AKT3: variants seen among roughly 807,000 people sequenced by gnomAD.
The protein encoded by AKT3 is AKT serine/threonine kinase 3.
AKT3 carries 15 observed loss-of-function variants against 65.3 expected under a neutral mutation model. The observed-to-expected ratio is 0.23, with a 90% CI of 0.15 to 0.35. The LOEUF (loss-of-function observed/expected upper bound fraction) is 0.35. AKT3 is among the 10% of genes least tolerant of loss of function. The probability of loss-of-function intolerance (pLI) is 1.00; values close to 1 mark genes in which losing one functional copy is unlikely to be tolerated. For synonymous variants in AKT3, 206 were observed against 183.8 expected (o/e 1.12, Z -0.98); for missense variants, 243 against 576.5 (o/e 0.42, Z 5.92).
chr1:243,684,791 C>T (rs1684169915), intron 3 of AKT3, among the ~76,000 whole-genome samples: 1 of 152,170 alleles, frequency 6.6e-6, no homozygotes, highest in Non-Finnish European at 1.5e-5. Context: ...AAAAGCATTC[C>T]TATTTCTCCA....
chr1:243,599,971 T>C (rs538618540), intron 8 of AKT3, among the ~76,000 whole-genome samples: 31 of 152,182 alleles, frequency 2.0e-4, no homozygotes, highest in African/African-American at 6.5e-4. Flanking sequence ...GTATGGCTAA[T>C]AAGTAAACAT....
intron 12 of AKT3, among the ~76,000 whole-genome samples, chr1:243,524,839 G>A (rs1670944059): frequency 1.3e-5 from 2 of 152,138 alleles, no homozygotes; most frequent in Admixed American, 1.3e-4. Context: ...AAGGTTCTGG[G>A]AAGCAACTAA....
intron 2 of AKT3, among the ~76,000 whole-genome samples, chr1:243,833,717 C>A (rs10927082): frequency 0.83 from 126,172 of 151,622 alleles, 52,656 homozygotes; most frequent in Middle Eastern, 0.87. Context: ...GATAAAAAAA[C>A]CACAATTATC....
chr1:243,662,902 A>G (rs968324610), intron 4 of AKT3, among the ~76,000 whole-genome samples: 6 of 152,200 alleles, frequency 3.9e-5, no homozygotes, highest in Admixed American at 6.5e-5. Context: ...GAAGAGTAGT[A>G]TATTATTACA....
At chr1:243,578,475 C>G (rs1675105076) in intron 8 of AKT3, among the ~76,000 whole-genome samples, 1 of 152,058 alleles carries the variant, frequency 6.6e-6, no homozygotes, top group South Asian at 2.1e-4. Context: ...TAAGTGGGAG[C>G]TGAACAATGA....
At chr1:243,638,645 ATAAATT>A (rs1466673083) in intron 5 of AKT3, among the ~76,000 whole-genome samples, 1 of 152,198 alleles carries the variant, frequency 6.6e-6, no homozygotes, top group Non-Finnish European at 1.5e-5. Context: ...ATCAGTTTAC[ATAAATT>A]TAAACTCAGT....
At chr1:243,683,288 TC>T (rs1684050351) in intron 3 of AKT3, among the ~76,000 whole-genome samples, 1 of 152,192 alleles carries the variant, frequency 6.6e-6, no homozygotes, top group South Asian at 2.1e-4. Context: ...TTTCCTTATT[TC>T]CTTCTTTTTT....
downstream of AKT3, among the ~76,000 whole-genome samples, chr1:243,495,381 G>A (rs1482026456): frequency 3.3e-5 from 5 of 152,218 alleles, no homozygotes; most frequent in East Asian, 1.9e-4. Context: ...CTTTCTCGGA[G>A]CCCAGAAGCA....
chr1:243,661,067 C>G (rs1201193405), intron 4 of AKT3, among the ~76,000 whole-genome samples: 10 of 152,166 alleles, frequency 6.6e-5, no homozygotes, highest in Non-Finnish European at 1.3e-4. Flanking sequence ...AGGATACAAA[C>G]AAATGGAAGA....
chr1:243,672,002 C>T (rs374530938), intron 3 of AKT3, among the ~76,000 whole-genome samples: 1 of 151,750 alleles, frequency 6.6e-6, no homozygotes, highest in African/African-American at 2.4e-5. Context: ...ACACCTTCCC[C>T]GTGCTTGGCC....
intron 2 of AKT3, among the ~76,000 whole-genome samples, chr1:243,772,194 C>G (rs1690228413): frequency 6.6e-6 from 1 of 152,078 alleles, no homozygotes; most frequent in Admixed American, 6.5e-5. Flanking sequence ...CAAATGGGAT[C>G]TAATTAAACT....
At chr1:243,535,667 G>A (rs1461421453) in intron 12 of AKT3, among the ~76,000 whole-genome samples, 1 of 152,114 alleles carries the variant, frequency 6.6e-6, no homozygotes, top group Non-Finnish European at 1.5e-5. Context: ...TTGCAATTGT[G>A]AATTGTGCTG....
intron 2 of AKT3, among the ~76,000 whole-genome samples, chr1:243,724,506 A>T (rs1042658982): frequency 2.0e-5 from 3 of 152,164 alleles, no homozygotes; most frequent in African/African-American, 7.2e-5. Flanking sequence ...ACATTATAAG[A>T]CTTATGGTAT....
chr1:243,589,839 G>A (rs548616317), intron 8 of AKT3, among the ~76,000 whole-genome samples: 5 of 152,240 alleles, frequency 3.3e-5, no homozygotes, highest in Non-Finnish European at 5.9e-5. Flanking sequence ...TCTTGGATAT[G>A]AAGAAGCAAC....
At chr1:243,543,199 C>T (rs1227587801) in intron 12 of AKT3, among the ~76,000 whole-genome samples, 1 of 152,192 alleles carries the variant, frequency 6.6e-6, no homozygotes, top group Non-Finnish European at 1.5e-5. Flanking sequence ...TTACACTGGG[C>T]ATGTCTAACC....
chr1:243,592,246 A>G (rs1424332229), intron 8 of AKT3, among the ~76,000 whole-genome samples: 4 of 152,114 alleles, frequency 2.6e-5, no homozygotes, highest in Non-Finnish European at 5.9e-5. Flanking sequence ...GAGGCAGGAG[A>G]ATGGCGTGAA....
intron 2 of AKT3, among the ~76,000 whole-genome samples, chr1:243,812,342 C>G (rs1198464238): frequency 6.6e-6 from 1 of 152,002 alleles, no homozygotes; most frequent in Non-Finnish European, 1.5e-5. Flanking sequence ...AACAAACAAC[C>G]CCATCAACAA....
intron 2 of AKT3, among the ~76,000 whole-genome samples, chr1:243,778,839 A>G (rs1690722570): frequency 1.3e-5 from 2 of 152,144 alleles, no homozygotes; most frequent in South Asian, 4.1e-4. Context: ...AAGCAAATAC[A>G]ACTATAACAT....
At chr1:243,556,887 GATT>G (rs1260993605) in intron 10 of AKT3, among the ~76,000 whole-genome samples, 1 of 151,972 alleles carries the variant, frequency 6.6e-6, no homozygotes, top group East Asian at 1.9e-4. Flanking sequence ...CAATACATAA[GATT>G]ATAAATTCTA....
Sources: gnomAD v4.1 joint callset for allele counts (sites outside exome capture counted in the v4.1 genomes callset) on GRCh38, gnomAD v4.1.1 for gene constraint, MANE v1.5 for transcripts, NCBI Gene and HGNC (gene_info 2026-07-23, HGNC 2026-07-21) for gene names.